MAPK8: variants seen among roughly 807,000 people sequenced by gnomAD.
MAPK8 encodes the protein mitogen-activated protein kinase 8, also known as JUN N-terminal kinase.
Under a neutral mutation model 52.9 loss-of-function variants are expected in MAPK8, and 13 were observed. The observed-to-expected ratio is 0.25, with a 90% CI of 0.16 to 0.39. MAPK8 has a LOEUF of 0.39. MAPK8 is among the 10% of genes least tolerant of loss of function. The pLI is 1.00. For missense variants in MAPK8, 300 were observed against 519.2 expected (o/e 0.58, Z 4.10); for synonymous variants, 191 against 169.8 (o/e 1.12, Z -0.97).
chr10:48,426,126 ATGGGTTTGTGTGTT>A, intron 8 of MAPK8, 56 bp downstream of exon 8: 1 of 1,436,348 alleles, frequency 7.0e-7, no homozygotes, highest in Non-Finnish European at 9.5e-7. Flanking sequence ...GTGTGTGTGT[ATGGGTTTGTGTGTT>A]TATATGTATT....
chr10:48,428,537 T>C (rs1018892180), intron 10 of MAPK8, among the ~76,000 whole-genome samples: 1 of 152,254 alleles, frequency 6.6e-6, no homozygotes, highest in Non-Finnish European at 1.5e-5. Flanking sequence ...AGCATGAATT[T>C]GATTCTTTCT....
intron 1 of MAPK8, among the ~76,000 whole-genome samples, chr10:48,391,740 C>T (rs1056616139): frequency 6.6e-6 from 1 of 152,186 alleles, no homozygotes; most frequent in African/African-American, 2.4e-5. Flanking sequence ...TCCCCTCCCA[C>T]CGCCACCAGA....
intron 1 of MAPK8, among the ~76,000 whole-genome samples, chr10:48,311,248 C>T (rs1001139514): frequency 3.9e-5 from 6 of 152,094 alleles, no homozygotes; most frequent in African/African-American, 1.2e-4. Context: ...GCCAAGTAAA[C>T]GTCAAACCAG....
intron 1 of MAPK8, among the ~76,000 whole-genome samples, chr10:48,366,642 T>G (rs1394048152): frequency 6.6e-6 from 1 of 152,194 alleles, no homozygotes; most frequent in East Asian, 1.9e-4. Context: ...ATATTTATCC[T>G]TACCACATGA....
chr10:48,318,619 T>C (rs1446208199), intron 1 of MAPK8, among the ~76,000 whole-genome samples: 1 of 152,172 alleles, frequency 6.6e-6, no homozygotes, highest in Non-Finnish European at 1.5e-5. Flanking sequence ...AGGTTAACTT[T>C]GGGTGTGGGC....
At chr10:48,363,463 A>G (rs17770554) in intron 1 of MAPK8, among the ~76,000 whole-genome samples, 9,351 of 152,298 alleles carry the variant, frequency 0.061, 739 homozygotes, top group Admixed American at 0.24. Flanking sequence ...AAAATACCAT[A>G]AAGGAAGAGT....
At chr10:48,334,271 G>A (rs905228197) in intron 1 of MAPK8, among the ~76,000 whole-genome samples, 33 of 152,110 alleles carry the variant, frequency 2.2e-4, no homozygotes, top group African/African-American at 7.7e-4. Context: ...CTCATTTTCA[G>A]TCAGTCTCTG....
intron 1 of MAPK8, among the ~76,000 whole-genome samples, chr10:48,386,705 T>C (rs1436434768): frequency 1.3e-5 from 2 of 152,206 alleles, no homozygotes; most frequent in Non-Finnish European, 2.9e-5. Context: ...GGCTCACATC[T>C]GTAATCCCAT....
At chr10:48,425,706 T>C in intron 7 of MAPK8, 182 bp from the exon 8 acceptor site, 4 of 448,230 alleles carry the variant, frequency 8.9e-6, no homozygotes, top group Non-Finnish European at 1.2e-5. Flanking sequence ...ATAAAGCTTA[T>C]TTATTGATCA....
intron 1 of MAPK8, among the ~76,000 whole-genome samples, chr10:48,339,988 C>G (rs1261199183): frequency 2.0e-5 from 3 of 152,144 alleles, no homozygotes; most frequent in Non-Finnish European, 4.4e-5. Flanking sequence ...GGAAAACATT[C>G]TGGAGATTTC....
intron 1 of MAPK8, among the ~76,000 whole-genome samples, chr10:48,399,117 G>T (rs1331934833): frequency 6.6e-6 from 1 of 152,114 alleles, no homozygotes; most frequent in Non-Finnish European, 1.5e-5. Context: ...CTGTTCCTGA[G>T]CCCAGACTGG....
At chr10:48,394,169 A>T (rs2041772727) in intron 1 of MAPK8, among the ~76,000 whole-genome samples, 2 of 151,966 alleles carry the variant, frequency 1.3e-5, no homozygotes, top group Admixed American at 1.3e-4. Context: ...AAAACAACTC[A>T]TCATAGAAGA....
chr10:48,379,547 GT>G (rs2040864066), intron 1 of MAPK8, among the ~76,000 whole-genome samples: 1 of 152,064 alleles, frequency 6.6e-6, no homozygotes, highest in Non-Finnish European at 1.5e-5. Flanking sequence ...GAAGGTAAAT[GT>G]TTCACTTTTC....
intron 3 of MAPK8, among the ~76,000 whole-genome samples, chr10:48,406,998 A>C (rs927461559): frequency 6.6e-6 from 1 of 152,180 alleles, no homozygotes; most frequent in Non-Finnish European, 1.5e-5. Context: ...TACAGTTCCC[A>C]TCTCACCCAG....
chr10:48,337,380 T>A (rs148936490), intron 1 of MAPK8, among the ~76,000 whole-genome samples: 5 of 115,478 alleles, frequency 4.3e-5, no homozygotes, highest in African/African-American at 1.5e-4. Context: ...TAAACAAAAT[T>A]AAGGCAGAAA....
intron 1 of MAPK8, among the ~76,000 whole-genome samples, chr10:48,364,269 T>G (rs1007197638): frequency 3.3e-5 from 5 of 152,130 alleles, no homozygotes; most frequent in Non-Finnish European, 7.4e-5. Context: ...AGTTTCCTTT[T>G]TTATTATTTT....
chr10:48,422,715 A>AT (rs1006194156), intron 6 of MAPK8, among the ~76,000 whole-genome samples: 1 of 152,030 alleles, frequency 6.6e-6, no homozygotes, highest in Non-Finnish European at 1.5e-5. Flanking sequence ...TAAATATTAA[A>AT]TTTTTTTTCT....
chr10:48,314,332 C>T (rs763989017), intron 1 of MAPK8, among the ~76,000 whole-genome samples: 1 of 152,068 alleles, frequency 6.6e-6, no homozygotes, highest in Non-Finnish European at 1.5e-5. Context: ...TTAGTTAACT[C>T]CTAAAGGTCT....
chr10:48,393,924 A>G (rs964607763), intron 1 of MAPK8, among the ~76,000 whole-genome samples: 7 of 151,984 alleles, frequency 4.6e-5, no homozygotes, highest in South Asian at 4.1e-4. Context: ...TAATAGTGAT[A>G]AAATTCTAGC....
Sources: gnomAD v4.1 joint callset for allele counts (sites outside exome capture counted in the v4.1 genomes callset) on GRCh38, gnomAD v4.1.1 for gene constraint, MANE v1.5 for transcripts, NCBI Gene and HGNC (gene_info 2026-07-23, HGNC 2026-07-21) for gene names.